The following TP53BP2 variants were observed in gnomAD, a reference collection of about 807,000 sequenced individuals.
TP53BP2 encodes the protein tumor protein p53 binding protein 2.
A neutral mutation model predicts 126.2 loss-of-function variants in TP53BP2; 62 were observed. The ratio of observed to expected loss-of-function variants is 0.49; its 90% CI spans 0.40 to 0.61. The LOEUF (loss-of-function observed/expected upper bound fraction) is 0.61, where lower values mean the gene tolerates loss of function less well. TP53BP2 is among the 20% of genes least tolerant of loss of function. TP53BP2 has a pLI of 0.00. For missense variants in TP53BP2, 1,215 were observed against 1,402.8 expected, an observed-to-expected ratio of 0.87 and a Z score of 2.14; for synonymous variants, 485 against 502.9, an observed-to-expected ratio of 0.96 and a Z score of 0.48.
intron 1 of TP53BP2, among the ~76,000 whole-genome samples, chr1:223,834,483 G>A (rs1341054289): frequency 6.6e-6 from 1 of 152,100 alleles, no homozygotes; most frequent in African/African-American, 2.4e-5. Flanking sequence ...ATTAATCTAT[G>A]TAGTATATAT....
At chr1:223,820,911 C>G (rs1316860210) in intron 2 of TP53BP2, among the ~76,000 whole-genome samples, 2 of 152,118 alleles carry the variant, frequency 1.3e-5, no homozygotes, top group Admixed American at 1.3e-4. Context: ...AGTTAGGATG[C>G]CTCAAATTTC....
chr1:223,793,977 G>C (rs1354928080), intron 13 of TP53BP2, among the ~76,000 whole-genome samples: 4 of 152,212 alleles, frequency 2.6e-5, no homozygotes, highest in African/African-American at 7.2e-5. Context: ...GCAAATGGCA[G>C]AGCTGGGACG....
Position 223,795,919 on chromosome 1 carries a change from G to A in TP53BP2, c.2620C>T (p.Pro874Ser). ...VLDVYLEEYP[P>S]YPPPPYPSGE... ...GATGGGTATGGTGGGGGTGGGTATG[G>A]AGGGTACTCCTCCAGGTACACATCA... is the stretch of plus-strand genomic sequence containing the variant. Residue 874 changes from proline to serine, a missense_variant, in exon 13 of 18, where the codon CCA becomes TCA. Transcript: ENST00000343537. 6.2e-7 allele frequency: 1 copy of A among 1,614,000 alleles called. No individual in the cohort carries two copies. Among genetic ancestry groups the A allele is most frequent in the East Asian group, 2.2e-5 (1 of 44,878 alleles).
Position 223,802,773 on chromosome 1 carries a change from C to T in TP53BP2, c.954G>A (p.Leu318=). The T allele has an allele frequency of 1.2e-6, 2 of 1,614,200 alleles. No individual in the cohort carries two copies. Among genetic ancestry groups the T allele is most frequent in the Non-Finnish European group, 1.7e-6 (2 of 1,180,022 alleles). ...GCTGTAGAGCTGCCTTCTTCTTCCA[C>T]AGCCGGTCCCTCAGCTCATTAACAC... The part of the protein sequence containing the change: ...DKRVNELRDR[L]WKKKAALQQK... The change falls in exon 8 of 18, where the codon CTG becomes CTA. Residue 318 remains leucine, a synonymous_variant. Transcript: ENST00000343537.
At chr1:223,811,699 G>GA (rs1486693165) in intron 3 of TP53BP2, among the ~76,000 whole-genome samples, 2 of 152,084 alleles carry the variant, frequency 1.3e-5, no homozygotes, top group Non-Finnish European at 2.9e-5. Context: ...AATTGAATTG[G>GA]AAAAAGAATA....
At chr1:223,794,004 GGCTTC>G (rs1480775470) in intron 13 of TP53BP2, among the ~76,000 whole-genome samples, 1 of 152,120 alleles carries the variant, frequency 6.6e-6, no homozygotes, top group Admixed American at 6.5e-5. Context: ...CAGGTAAGCT[GGCTTC>G]TTTAAAGTCT....
At chr1:223,830,914 C>T (rs1293412206) in intron 1 of TP53BP2, among the ~76,000 whole-genome samples, 1 of 152,010 alleles carries the variant, frequency 6.6e-6, no homozygotes, top group Non-Finnish European at 1.5e-5. Flanking sequence ...TTGGCTAACA[C>T]GGTGAAACCC....
At chr1:223,822,333 G>GT in intron 1 of TP53BP2, among the ~76,000 whole-genome samples, 1 of 152,000 alleles carries the variant, frequency 6.6e-6, no homozygotes, top group Non-Finnish European at 1.5e-5. Context: ...ACCTGACCTT[G>GT]TATATAAACA....
At chr1:223,833,930 G>C (rs1002070124) in intron 1 of TP53BP2, among the ~76,000 whole-genome samples, 3 of 152,162 alleles carry the variant, frequency 2.0e-5, no homozygotes, top group African/African-American at 7.2e-5. Context: ...AGTGATGAGG[G>C]GAGGATGGCT....
Position 223,798,291 on chromosome 1 carries a change from C to T in TP53BP2, c.1872G>A (p.Ala624=), listed in dbSNP as rs760324882. The T allele has an allele frequency of 2.4e-5, 39 of 1,614,004 alleles. 2 individuals carry two copies. The Admixed American group carries it at 4.7e-4, about 19-fold the overall frequency. Residue 624 remains alanine (A), a synonymous_variant, in exon 12 of 18, where the codon GCG becomes GCA. Coordinates refer to ENST00000343537, the MANE Select transcript of TP53BP2 (RefSeq NM_001031685.3). The part of the protein sequence containing the change: ...SIYSMYTQQQ[A]PGKNFQQAVQ... ...CAGCCTGCTGGAAGTTTTTTCCTGG[C>T]GCCTGCTGTTGCGTATACATGGAAT...
At chr1:223,830,967 G>A (rs537229573) in intron 1 of TP53BP2, among the ~76,000 whole-genome samples, 287 of 152,004 alleles carry the variant, frequency 1.9e-3, no homozygotes, top group African/African-American at 6.7e-3. Context: ...GCATGGTGGC[G>A]GGCGCCTGTA....
intron 17 of TP53BP2, 50 bp downstream of exon 17, chr1:223,784,065 A>T: frequency 6.4e-7 from 1 of 1,552,676 alleles, no homozygotes; most frequent in Non-Finnish European, 8.9e-7. Flanking sequence ...GTTTTTACAA[A>T]GCCCCTCTCT....
At chr1:223,798,898 C>T (rs1264398329) in intron 11 of TP53BP2, among the ~76,000 whole-genome samples, 7 of 151,838 alleles carry the variant, frequency 4.6e-5, no homozygotes, top group African/African-American at 1.2e-4. Flanking sequence ...GGTGAAACCC[C>T]GTCTCTACTA....
chr1:223,785,177 T>C (rs187010197), intron 16 of TP53BP2, among the ~76,000 whole-genome samples: 37 of 152,358 alleles, frequency 2.4e-4, no homozygotes, highest in African/African-American at 8.7e-4. Context: ...TTCACTTTTA[T>C]AATTTTTTAA....
At chr1:223,825,087 T>C (rs1372604141) in intron 1 of TP53BP2, among the ~76,000 whole-genome samples, 1 of 151,340 alleles carries the variant, frequency 6.6e-6, no homozygotes, top group Non-Finnish European at 1.5e-5. Context: ...TTTCCCTCCT[T>C]AGCACAGTCA....
intron 13 of TP53BP2, among the ~76,000 whole-genome samples, chr1:223,794,983 T>G (rs1662268606): frequency 6.6e-6 from 1 of 152,236 alleles, no homozygotes. Flanking sequence ...AATTCATAGT[T>G]CAGCATCCTA....
intron 1 of TP53BP2, among the ~76,000 whole-genome samples, chr1:223,843,136 C>G (rs1664157784): frequency 6.6e-6 from 1 of 151,928 alleles, no homozygotes; most frequent in Non-Finnish European, 1.5e-5. Context: ...ACCACTTGAT[C>G]CTGTACCATT....
intron 2 of TP53BP2, among the ~76,000 whole-genome samples, chr1:223,816,674 C>T (rs1663097477): frequency 1.3e-5 from 2 of 152,048 alleles, no homozygotes; most frequent in African/African-American, 4.8e-5. Flanking sequence ...ATGAGGAATA[C>T]ATCTAGAAAT....
chr1:223,842,307 C>T (rs1664127100), intron 1 of TP53BP2, among the ~76,000 whole-genome samples: 1 of 152,212 alleles, frequency 6.6e-6, no homozygotes, highest in African/African-American at 2.4e-5. Context: ...CATTGTCATA[C>T]AGTAGCCACC....
Sources: allele counts gnomAD v4.1 joint callset (sites outside exome capture counted in the v4.1 genomes callset), GRCh38; gene constraint gnomAD v4.1.1; transcripts MANE v1.5; gene names NCBI Gene and HGNC (gene_info 2026-07-23, HGNC 2026-07-21).